TSPOAP1: variants seen among roughly 807,000 people sequenced by gnomAD.
The protein encoded by TSPOAP1 is peripheral-type benzodiazepine receptor-associated protein 1.
A neutral mutation model predicts 197.0 loss-of-function variants in TSPOAP1; 87 were observed. The observed-to-expected ratio is 0.44, with a 90% confidence interval of 0.37 to 0.53. The LOEUF (loss-of-function observed/expected upper bound fraction) is 0.53. TSPOAP1 is among the 20% of genes least tolerant of loss of function. TSPOAP1 has a pLI of 0.00. For missense variants in TSPOAP1, 2,174 were observed against 2,411.3 expected (o/e 0.90, Z 2.06); for synonymous variants, 913 against 998.9 (o/e 0.91, Z 1.62).
chr17:58,307,235 A>G (rs1970928786), intron 24 of TSPOAP1, among the ~76,000 whole-genome samples: 1 of 152,206 alleles, frequency 6.6e-6, no homozygotes, highest in African/African-American at 2.4e-5. Context: ...GCAATAGCAA[A>G]ATGCCTTTAA....
chr17:58,320,417 G>A, intron 11 of TSPOAP1, 114 bp downstream of exon 11: 1 of 1,252,786 alleles, frequency 8.0e-7, no homozygotes, highest in South Asian at 1.6e-5. Context: ...GAGCATTTAA[G>A]GGCCCCTCCT....
intron 19 of TSPOAP1, 42 bp downstream of exon 19, chr17:58,310,794 T>G (rs751735738): frequency 1.9e-6 from 3 of 1,590,446 alleles, no homozygotes; most frequent in Non-Finnish European, 2.6e-6. Context: ...CCCAGGTCCC[T>G]CTGCCAGCCT....
intron 10 of TSPOAP1, among the ~76,000 whole-genome samples, chr17:58,321,054 C>T (rs919203569): frequency 2.0e-5 from 3 of 152,182 alleles, no homozygotes; most frequent in African/African-American, 4.8e-5. Context: ...CCAAGACCAA[C>T]TTACCCATAA....
chr17:58,312,727 C>T lies in TSPOAP1; in HGVS notation c.2099-5G>A, dbSNP rs772521427. The stretch of plus-strand genomic sequence containing the variant: ...TTCGGCCATCCATGAGCTCTCCTGG[C>T]AGGAGGAGGACAGGAAGGGGCAGGG... On this transcript the variant is annotated splice_region_variant and splice_polypyrimidine_tract_variant and intron_variant, in intron 16 of 31. Transcript: ENST00000343736. The T allele has an allele frequency of 1.9e-6, 3 of 1,610,872 alleles. No homozygotes were observed. Among genetic ancestry groups the T allele is most frequent in the Non-Finnish European group, 2.5e-6 (3 of 1,178,888 alleles).
intron 7 of TSPOAP1, 67 bp downstream of exon 7, chr17:58,323,231 G>A: frequency 3.2e-6 from 5 of 1,581,222 alleles, no homozygotes; most frequent in Non-Finnish European, 4.3e-6. Context: ...AGCTGAGAGG[G>A]AGCCCACCAC....
At position 58,311,630 on chromosome 17, in the gene TSPOAP1, C is replaced by G; in HGVS notation, c.3022G>C (p.Ala1008Pro). The G allele has an allele frequency of 1.9e-6, 3 of 1,610,932 alleles. No individual in the cohort carries two copies. Among genetic ancestry groups the G allele is most frequent in the Non-Finnish European group, 1.7e-6 (2 of 1,177,930 alleles). The change falls in exon 18 of 32, where the codon GCT (alanine) becomes CCT (proline). Residue 1008 changes from alanine (A) to proline (P), a missense_variant. Around this residue, in one of 5 missense-constraint regions of TSPOAP1, gnomAD observed 1,933 missense variants for 2,139.0 expected, o/e 0.90. Coordinates refer to ENST00000343736, the MANE Select transcript of TSPOAP1 (RefSeq NM_004758.4). The part of the protein sequence containing the change: ...ISWLPVTIDA[A>P]GTSNGVRVTG... ...ACCCGGACACCGTTGGATGTGCCAG[C>G]AGCATCGATGGTGACTGGGAGCCAA...
chr17:58,312,196 C>T lies in TSPOAP1; in HGVS notation c.2625G>A (p.Leu875=), dbSNP rs751704163. The change falls in exon 17 of 32, where the codon TTG becomes TTA. Residue 875 remains leucine, a synonymous_variant. Coordinates refer to ENST00000343736, the MANE Select transcript of TSPOAP1 (RefSeq NM_004758.4). ...CCACTCCGGCCCGGGCACCCACCGC[C>T]AAGCAACAGCGCAGTGGGTCAGAGC... The part of the protein sequence containing the change: ...RGSSDPLRCC[L]AVGARAGVVP... 5.7e-5 allele frequency: 92 copies of T among 1,612,812 alleles called. No individual in the cohort carries two copies. The highest frequency in any genetic ancestry group is 7.3e-5 in the Non-Finnish European group (86 of 1,179,936).
chr17:58,310,378 T>G (rs1037247524), intron 20 of TSPOAP1, 134 bp downstream of exon 20: 2 of 1,362,966 alleles, frequency 1.5e-6, no homozygotes, highest in Non-Finnish European at 2.0e-6. Context: ...AACAGACACA[T>G]AGCACAGCCA....
Position 58,311,887 on chromosome 17 carries a change from C to T in TSPOAP1, c.2929+5G>A. 1 of 1,534,800 alleles carries T rather than the reference C, an allele frequency of 6.5e-7. No individual in the cohort carries two copies. The highest frequency in any genetic ancestry group is 2.0e-5 in the Admixed American group (1 of 50,504). ...TTCTGGACAACAGGGCCCAAGCCCA[C>T]ATACCTGCTGGGAGTGTGGTGAACT... On this transcript the variant is annotated splice_donor_5th_base_variant and intron_variant, in intron 17 of 31. Coordinates refer to ENST00000343736, the MANE Select transcript of TSPOAP1 (RefSeq NM_004758.4).
Position 58,305,379 on chromosome 17 carries a change from G to A in TSPOAP1, c.5433+8C>T. 6.2e-7 allele frequency: 1 copy of A among 1,613,878 alleles called. No individual in the cohort carries two copies. The highest frequency in any genetic ancestry group is 8.5e-7 in the Non-Finnish European group (1 of 1,179,868). On this transcript the variant is annotated splice_region_variant and intron_variant, in intron 29 of 31. Coordinates refer to ENST00000343736, the MANE Select transcript of TSPOAP1 (RefSeq NM_004758.4). ...GATATGGTACACCCTCCCCAACAAT[G>A]TTCTCACATAGTAGAAACCGTCATC... is the stretch of plus-strand genomic sequence containing the variant.
chr17:58,318,779 C>A (rs888691961), intron 13 of TSPOAP1, among the ~76,000 whole-genome samples: 3 of 152,118 alleles, frequency 2.0e-5, no homozygotes, highest in Non-Finnish European at 4.4e-5. Flanking sequence ...TCCGACTGAC[C>A]CCCAAGCCCC....
rs200356258 is a variant in TSPOAP1, at chr17:58,305,439, G to C, written c.5381C>G (p.Ala1794Gly). Residue 1794 changes from alanine (A) to glycine (G), a missense_variant, in exon 29 of 32, where the codon GCA becomes GGA. This residue lies in a region of TSPOAP1 where 161 missense variants were observed against 159.1 expected (regional missense o/e 1.01). Coordinates refer to ENST00000343736, the MANE Select transcript of TSPOAP1 (RefSeq NM_004758.4). ...CCCAAACACAGTAATGACATCCCCT[G>C]CCCGGAAGGGCAGCTCTGCCTGTGG... ...MDVEAELPFRAGDVITVFGGM... is the reference protein window; with the variant it reads ...MDVEAELPFRGGDVITVFGGM... 1 of 1,613,940 alleles carries C rather than the reference G, an allele frequency of 6.2e-7. No homozygotes were observed. The highest frequency in any genetic ancestry group is 1.1e-5 in the South Asian group (1 of 91,084).
Position 58,311,590 on chromosome 17 carries a change from A to T in TSPOAP1, c.3062T>A (p.Ile1021Asn). ...CTATACCTTCTGCCCATCAGCGTAG[A>T]TGGCATAGCCTGTGACCCGGACACC... ...SNGVRVTGYA[I>N]YADGQKIMEV... The change falls in exon 18 of 32, where the codon ATC (isoleucine) becomes AAC (asparagine). Residue 1021 changes from isoleucine to asparagine, a missense_variant. By Grantham distance (149) the Ile-to-Asn change is moderately radical. Coordinates refer to ENST00000343736, the MANE Select transcript of TSPOAP1 (RefSeq NM_004758.4). 2 of 1,594,382 alleles carry T rather than the reference A, an allele frequency of 1.3e-6. No individual in the cohort carries two copies. The highest frequency in any genetic ancestry group is 1.7e-6 in the Non-Finnish European group (2 of 1,168,018).
intron 27 of TSPOAP1, 51 bp from the exon 28 acceptor site, chr17:58,305,694 C>T: frequency 7.3e-7 from 1 of 1,369,040 alleles, no homozygotes. Context: ...GCCCTACACC[C>T]CATCCTGTCT....
rs372861673 is a variant in TSPOAP1, at chr17:58,310,068, C to T, written c.3790G>A (p.Glu1264Lys). 2.5e-6 allele frequency: 4 copies of T among 1,613,452 alleles called. No homozygotes were observed. Among genetic ancestry groups the T allele is most frequent in the Non-Finnish European group, 3.4e-6 (4 of 1,180,046 alleles). ...NSDLSDIQEE[E>K]EEEEEEEEEE... is the part of the protein sequence containing the mutation. ...TCCTCCTCCTCCTCCTCCTCTTCCT[C>T]TTCCTCCTGGATGTCTGACAGGTCT... Residue 1264 changes from glutamate to lysine, a missense_variant, in exon 21 of 32, where the codon GAG (glutamate) becomes AAG (lysine). By Grantham distance (56) the Glu-to-Lys change is moderately conservative (BLOSUM62 1). Around this residue, in one of 5 missense-constraint regions of TSPOAP1, gnomAD observed 1,933 missense variants for 2,139.0 expected, o/e 0.90. Coordinates refer to ENST00000343736, the MANE Select transcript of TSPOAP1 (RefSeq NM_004758.4).
Position 58,311,536 on chromosome 17 carries a change from C to T in TSPOAP1, c.3081+35G>A, listed in dbSNP as rs115568020. 5.5e-4 allele frequency: 836 copies of T among 1,526,138 alleles called. 7 individuals carry two copies. In the African/African-American group the frequency reaches 0.011, roughly 20 times the overall value. The allele number at this position is 1,526,138 out of a possible 1,614,324, so 94.5% of individuals were successfully genotyped here. ...TCTGAGCATAGCAAGAAGGGACCCA[C>T]CCCCACTCCCAGGGTACAGTGGGCA... On this transcript the variant is annotated intron_variant, in intron 18 of 31. Coordinates refer to ENST00000343736, the MANE Select transcript of TSPOAP1 (RefSeq NM_004758.4).
chr17:58,308,044 A>G (rs1970958258), intron 22 of TSPOAP1, 103 bp from the exon 23 acceptor site: 1 of 1,170,826 alleles, frequency 8.5e-7, no homozygotes. Context: ...ACAGCAGCGC[A>G]GGAGCACAGC....
Position 58,308,997 on chromosome 17 carries a change from T to A in TSPOAP1, c.4275A>T (p.Arg1425=), listed in dbSNP as rs2526360. Residue 1425 remains arginine, a synonymous_variant, in exon 22 of 32, where the codon CGA becomes CGT. Coordinates refer to ENST00000343736, the MANE Select transcript of TSPOAP1 (RefSeq NM_004758.4). ...TGCTGAGAAGTCGGCTGCAGTGTTC[T>A]CGGGGATCTGGAGGCCGCCTGCGGC... ...PPSRRRPPDP[R]EHCSRLLSNN... The A allele has an allele frequency of 0.29, 472,881 of 1,612,302 alleles. 70,073 individuals are homozygous for A. The highest frequency in any genetic ancestry group is 0.3 in the Non-Finnish European group (354,144 of 1,179,830).
Position 58,311,080 on chromosome 17 carries a change from G to C in TSPOAP1, c.3215C>G (p.Ala1072Gly), listed in dbSNP as rs570572637. The C allele has an allele frequency of 1.3e-6, 2 of 1,580,940 alleles. No individual in the cohort carries two copies. The highest frequency in any genetic ancestry group is 1.7e-6 in the Non-Finnish European group (2 of 1,163,878). The change falls in exon 19 of 32, where the codon GCT (alanine) becomes GGT (glycine). Residue 1072 changes from alanine to glycine, a missense_variant. Ala to Gly is a moderately conservative substitution (Grantham distance 60). Transcript: ENST00000343736. ...CGGAGCCAGGGCGGGAGTGATAGGA[G>C]CCGGGATGGAGTCCGCCGACTCCCC... The part of the protein sequence containing the change: ...PHGESADSIP[A>G]PITPALAPAS...
Sources: allele counts gnomAD v4.1 joint callset (sites outside exome capture counted in the v4.1 genomes callset), GRCh38; gene constraint gnomAD v4.1.1; regional missense constraint gnomAD v4.1.1; transcripts MANE v1.5; gene names NCBI Gene and HGNC (gene_info 2026-07-23, HGNC 2026-07-21).